Variants in WSCD2 observed in about 807,000 individuals in gnomAD.
WSCD2 encodes the protein sialate:O-sulfotransferase 2.
A neutral mutation model predicts 55.7 loss-of-function variants in WSCD2; 28 were observed. The observed-to-expected ratio is 0.50, with a 90% CI of 0.37 to 0.69. WSCD2 has a LOEUF of 0.69. Ranked by LOEUF, WSCD2 falls within the 30% of genes least tolerant of loss-of-function variation. The probability of loss-of-function intolerance (pLI) is 0.00; values close to 1 mark genes in which losing one functional copy is unlikely to be tolerated. For missense variants in WSCD2, 616 were observed against 762.1 expected (o/e 0.81, Z 2.26); for synonymous variants, 301 against 301.9 (o/e 1.00, Z 0.03).
intron 2 of WSCD2, 65 bp downstream of exon 2, chr12:108,196,279 A>T: frequency 1.3e-6 from 2 of 1,494,878 alleles, no homozygotes; most frequent in Non-Finnish European, 1.8e-6. Flanking sequence ...TAACAATGTA[A>T]TAACAGCTGT....
At chr12:108,231,053 T>C (rs1019088501) in intron 6 of WSCD2, among the ~76,000 whole-genome samples, 4 of 151,914 alleles carry the variant, frequency 2.6e-5, no homozygotes, top group Admixed American at 1.3e-4. Flanking sequence ...AGAAAAAATA[T>C]TGGGGTTTGG....
intron 1 of WSCD2, among the ~76,000 whole-genome samples, chr12:108,170,349 T>G (rs1319562894): frequency 1.3e-5 from 2 of 151,954 alleles, no homozygotes; most frequent in Non-Finnish European, 2.9e-5. Flanking sequence ...TCAATGATGG[T>G]GATGACAAAG....
chr12:108,210,874 C>A lies in WSCD2; in HGVS notation c.682+569C>A, dbSNP rs919349204. Reference sequence around the variant, plus strand: ...CTTTCAAAGAGAGAATTCATCCTGGCTTTTTCAAGCTTCTGGTTTGAGTCT... The same window carrying A: ...CTTTCAAAGAGAGAATTCATCCTGGATTTTTCAAGCTTCTGGTTTGAGTCT... On this transcript the variant is annotated intron_variant, in intron 4 of 8. Transcript: ENST00000547525. This position sits in a 1 kb window ranked among gnomAD's most constrained non-coding sequence, Gnocchi z 4.3. 2.0e-5 allele frequency among the ~76,000 whole-genome samples: 3 copies of A among 152,200 alleles called. No homozygotes were observed. The highest frequency in any genetic ancestry group is 2.9e-5 in the Non-Finnish European group (2 of 68,042).
At chr12:108,135,425 T>C (rs1038972884) in intron 1 of WSCD2, among the ~76,000 whole-genome samples, 1 of 152,234 alleles carries the variant, frequency 6.6e-6, no homozygotes, top group Non-Finnish European at 1.5e-5. Flanking sequence ...CACTGGATTG[T>C]TGTAAGGATC....
At chr12:108,141,635 A>G (rs752865471) in intron 1 of WSCD2, among the ~76,000 whole-genome samples, 15 of 152,174 alleles carry the variant, frequency 9.9e-5, no homozygotes, top group Non-Finnish European at 2.1e-4. Context: ...TGGTAATGAC[A>G]TTGGGCCTAT....
rs548690603 is a variant in WSCD2 at position 108,145,524 on chromosome 12, C to A, written c.-552+15598C>A. On this transcript the variant is annotated intron_variant, in intron 1 of 8. Coordinates refer to ENST00000547525, the MANE Select transcript of WSCD2 (RefSeq NM_014653.4). ...GACGGAGTTCAAAGAGGCCTTAGGACCCTCATGCGCTGCTGGTGGGAGTGT... is the reference window on the plus strand; with the variant it reads ...GACGGAGTTCAAAGAGGCCTTAGGAACCTCATGCGCTGCTGGTGGGAGTGT... 2.6e-5 allele frequency among the ~76,000 whole-genome samples: 4 copies of A among 152,306 alleles called. No individual in the cohort carries two copies. The East Asian group carries it at 7.7e-4, about 29-fold the overall frequency.
chr12:108,209,123 G>A (rs924672235), intron 3 of WSCD2, among the ~76,000 whole-genome samples: 1 of 152,146 alleles, frequency 6.6e-6, no homozygotes, highest in African/African-American at 2.4e-5. Flanking sequence ...TTACAGAGTG[G>A]GGTAGCCACT....
chr12:108,150,149 G>A (rs1877823019), intron 1 of WSCD2, among the ~76,000 whole-genome samples: 1 of 152,136 alleles, frequency 6.6e-6, no homozygotes, highest in Non-Finnish European at 1.5e-5. Flanking sequence ...TCATTTTATA[G>A]ATGGGAAAAC....
chr12:108,192,875 A>G (rs1018031304), intron 1 of WSCD2, among the ~76,000 whole-genome samples: 4 of 151,732 alleles, frequency 2.6e-5, no homozygotes, highest in Non-Finnish European at 5.9e-5. Flanking sequence ...TTCTCAACCC[A>G]GGGTCCAAAC....
At chr12:108,153,354 G>A (rs1160816357) in intron 1 of WSCD2, among the ~76,000 whole-genome samples, 8 of 152,186 alleles carry the variant, frequency 5.3e-5, no homozygotes, top group Non-Finnish European at 1.0e-4. Flanking sequence ...TACTCCATGA[G>A]CCATCCTGGC....
chr12:108,151,562 T>C (rs917259152), intron 1 of WSCD2, among the ~76,000 whole-genome samples: 3 of 152,172 alleles, frequency 2.0e-5, no homozygotes, highest in Non-Finnish European at 2.9e-5. Flanking sequence ...TTGGGGAAAT[T>C]GATGTTCAGA....
At chr12:108,136,900 C>T (rs1876284037) in intron 1 of WSCD2, among the ~76,000 whole-genome samples, 1 of 152,152 alleles carries the variant, frequency 6.6e-6, no homozygotes, top group Non-Finnish European at 1.5e-5. Flanking sequence ...GGATAGTAAA[C>T]ATGGGTTTAT....
chr12:108,214,636 G>C (rs572294241), intron 4 of WSCD2, among the ~76,000 whole-genome samples: 1 of 152,268 alleles, frequency 6.6e-6, no homozygotes, highest in South Asian at 2.1e-4. Flanking sequence ...GCAAGATTTG[G>C]GTTGCAAAGT....
chr12:108,202,426 C>A (rs1884813889), intron 2 of WSCD2, among the ~76,000 whole-genome samples: 1 of 152,174 alleles, frequency 6.6e-6, no homozygotes, highest in Admixed American at 6.5e-5. Flanking sequence ...TTCAACAAGT[C>A]TTTGAGCACC....
At chr12:108,226,282 A>T (rs1381706653) in intron 5 of WSCD2, among the ~76,000 whole-genome samples, 1 of 152,162 alleles carries the variant, frequency 6.6e-6, no homozygotes, top group African/African-American at 2.4e-5. Context: ...TCTCAGGTCC[A>T]TCTTGCCCCC....
intron 1 of WSCD2, among the ~76,000 whole-genome samples, chr12:108,141,339 G>A (rs972343368): frequency 6.6e-6 from 1 of 152,168 alleles, no homozygotes; most frequent in East Asian, 1.9e-4. Flanking sequence ...GGACTCAAGC[G>A]ATGCTCCTGC....
intron 1 of WSCD2, among the ~76,000 whole-genome samples, chr12:108,163,153 G>A (rs546219894): frequency 1.6e-4 from 25 of 152,212 alleles, no homozygotes; most frequent in South Asian, 1.2e-3. Context: ...GTCTGAGCTC[G>A]TAAAAAGTCT....
At chr12:108,201,184 T>C (rs544142597) in intron 2 of WSCD2, among the ~76,000 whole-genome samples, 33 of 152,288 alleles carry the variant, frequency 2.2e-4, no homozygotes, top group Middle Eastern at 3.4e-3. Flanking sequence ...GTCAGGGTGT[T>C]GGCAGGGCCA....
In WSCD2 at chr12:108,210,247, C is replaced by G. The variant is rs754753369; in HGVS notation, c.624C>G (p.Gly208=). The part of the protein sequence containing the change: ...ECKGERGSVC[G]GANRLSVYRL... ...AGGGCGAGCGAGGCAGCGTGTGCGG[C>G]GGCGCCAACCGCCTCTCTGTCTACC... Residue 208 remains glycine (G), a synonymous_variant, in exon 4 of 9, where the codon GGC becomes GGG. Coordinates refer to ENST00000547525, the MANE Select transcript of WSCD2 (RefSeq NM_014653.4). The surrounding 1 kb of genome is among the most constrained non-coding windows in gnomAD (Gnocchi z 4.3). The G allele has an allele frequency of 1.3e-6, 2 of 1,593,294 alleles. No homozygotes were observed. Among genetic ancestry groups the G allele is most frequent in the African/African-American group, 2.7e-5 (2 of 74,708 alleles).
Sources: gnomAD v4.1 joint callset for allele counts (sites outside exome capture counted in the v4.1 genomes callset) on GRCh38, gnomAD v4.1.1 for gene constraint, Gnocchi (gnomAD v3.1) non-coding constraint, MANE v1.5 for transcripts, NCBI Gene and HGNC (gene_info 2026-07-23, HGNC 2026-07-21) for gene names.